The following MYOF variants were observed in gnomAD, a reference collection of about 807,000 sequenced individuals.
MYOF encodes the protein myoferlin.
Under a neutral mutation model 284.2 loss-of-function variants are expected in MYOF, and 244 were observed. The observed-to-expected ratio is 0.86, with a 90% confidence interval of 0.77 to 0.95. The LOEUF (loss-of-function observed/expected upper bound fraction) is 0.95, where lower values mean the gene tolerates loss of function less well. Ranked by LOEUF, MYOF falls within the 40% of genes least tolerant of loss-of-function variation. The pLI is 0.00. For synonymous variants in MYOF, 904 were observed against 919.7 expected (o/e 0.98, Z 0.31); for missense variants, 2,496 against 2,560.6 (o/e 0.97, Z 0.54).
In MYOF at chr10:93,392,918, T is replaced by C. The variant is rs757382570; in HGVS notation, c.1455A>G (p.Thr485=). Reference sequence around the variant, plus strand: ...AGAGCAAAATTACGAAGCATAAACCTGTATATGATGCAGCCCCAGTTCCCG... The same window carrying C: ...AGAGCAAAATTACGAAGCATAAACCCGTATATGATGCAGCCCCAGTTCCCG... ...SSSGTGAASY[T]VNTGETEVGF... The change falls in exon 17 of 54, where the codon ACA becomes ACG. Residue 485 remains threonine (T), a splice_region_variant and synonymous_variant. Transcript: ENST00000359263. 3 of 1,611,356 alleles carry C rather than the reference T, an allele frequency of 1.9e-6. No individual in the cohort carries two copies. Among genetic ancestry groups the C allele is most frequent in the Admixed American group, 3.3e-5 (2 of 59,998 alleles).
In MYOF at chr10:93,316,700, A is replaced by G. The variant is rs1262921174; in HGVS notation, c.5698+14T>C. Reference sequence around the variant, plus strand: ...ACAGTTTCTTAGAAACAATGATCCAAATGTAAGCCCTACCCAAGTAGTCAT... The same window carrying G: ...ACAGTTTCTTAGAAACAATGATCCAGATGTAAGCCCTACCCAAGTAGTCAT... On this transcript the variant is annotated intron_variant, in intron 50 of 53. Transcript: ENST00000359263. The G allele has an allele frequency of 1.9e-6, 3 of 1,591,682 alleles. No homozygotes were observed. Among genetic ancestry groups the G allele is most frequent in the South Asian group, 2.2e-5 (2 of 90,454 alleles).
chr10:93,355,820 A>T (rs2133906182), intron 30 of MYOF, 84 bp from the exon 31 acceptor site: 3 of 919,906 alleles, frequency 3.3e-6, no homozygotes, highest in South Asian at 1.6e-5. Flanking sequence ...AGGCAAGAAT[A>T]ACAAATGGAA....
At chr10:93,455,751 G>A (rs2134323224) in intron 2 of MYOF, among the ~76,000 whole-genome samples, 1 of 152,344 alleles carries the variant, frequency 6.6e-6, no homozygotes, top group Non-Finnish European at 1.5e-5. Flanking sequence ...GTGGGTGGGT[G>A]GAGGGGAGCC....
intron 3 of MYOF, among the ~76,000 whole-genome samples, chr10:93,443,413 GCTCT>G (rs2056330368): frequency 6.6e-6 from 1 of 151,616 alleles, no homozygotes; most frequent in Admixed American, 6.6e-5. Context: ...TCTCTGAAGT[GCTCT>G]CTCTGTCTCT....
At chr10:93,384,415 G>A (rs1044561029) in intron 19 of MYOF, among the ~76,000 whole-genome samples, 8 of 152,208 alleles carry the variant, frequency 5.3e-5, no homozygotes, top group Non-Finnish European at 1.0e-4. Flanking sequence ...CGAGGCTGGC[G>A]GCGGATTACC....
rs968165867 is a variant in MYOF at position 93,373,007 on chromosome 10, G to A, written c.2380C>T (p.His794Tyr). ...CCACTGGTGGAGTACAAGACCTGAT[G>A]TGCGGGAATTCGTGCATAGGCCAGT... ...KRLAYARIPA[H>Y]QVLYSTSGEN... is the part of the protein sequence containing the mutation. The change falls in exon 24 of 54, where the codon CAT (histidine) becomes TAT (tyrosine). Residue 794 changes from histidine to tyrosine, a missense_variant. Physicochemically the swap from His to Tyr is moderately conservative, Grantham distance 83. This residue lies in a region of MYOF where 2,436 missense variants were observed against 2,480.7 expected (regional missense o/e 0.98). Coordinates refer to ENST00000359263, the MANE Select transcript of MYOF (RefSeq NM_013451.4). 12 of 1,614,070 alleles carry A rather than the reference G, an allele frequency of 7.4e-6. No individual in the cohort carries two copies. The highest frequency in any genetic ancestry group is 1.3e-5 in the African/African-American group (1 of 74,924).
At chr10:93,395,320 G>T (rs1564680436) in intron 16 of MYOF, among the ~76,000 whole-genome samples, 1 of 152,186 alleles carries the variant, frequency 6.6e-6, no homozygotes, top group Non-Finnish European at 1.5e-5. Flanking sequence ...GCATGCGCCT[G>T]TAGTCCCAGC....
Position 93,329,455 on chromosome 10 carries a change from G to A in MYOF, c.4982+209C>T, listed in dbSNP as rs1362272266. Reference sequence around the variant, plus strand: ...TTCCCCAGCGCACAGCACTGCTCCAGCTGCCACCATTTTACACACACTGTG... The same window carrying A: ...TTCCCCAGCGCACAGCACTGCTCCAACTGCCACCATTTTACACACACTGTG... On this transcript the variant is annotated intron_variant, in intron 44 of 53. Transcript: ENST00000359263. Among the ~76,000 whole-genome samples the A allele has an allele frequency of 2.6e-5, 4 of 152,212 alleles. No individual in the cohort carries two copies. In the South Asian group the frequency reaches 8.3e-4, roughly 32 times the overall value.
At chr10:93,459,578 G>A (rs2056828200) in intron 1 of MYOF, among the ~76,000 whole-genome samples, 1 of 152,200 alleles carries the variant, frequency 6.6e-6, no homozygotes, top group South Asian at 2.1e-4. Flanking sequence ...GTGTTTGTGT[G>A]TGTTTGCCAC....
chr10:93,406,318 T>TA (rs1847584374), intron 7 of MYOF, among the ~76,000 whole-genome samples: 1 of 38,706 alleles, frequency 2.6e-5, no homozygotes, highest in African/African-American at 5.4e-5. Flanking sequence ...ATATATATAT[T>TA]TGTTTTTATC....
chr10:93,380,042 G>A (rs1039943044), intron 20 of MYOF, 55 bp from the exon 21 acceptor site: 2 of 1,580,142 alleles, frequency 1.3e-6, no homozygotes, highest in East Asian at 2.3e-5. Flanking sequence ...TAGACAGCAT[G>A]TTTATTAAAG....
intron 1 of MYOF, among the ~76,000 whole-genome samples, chr10:93,460,103 T>C (rs2056839126): frequency 6.6e-6 from 1 of 152,176 alleles, no homozygotes; most frequent in Non-Finnish European, 1.5e-5. Flanking sequence ...CACTGAAAGA[T>C]GGCACTGAAG....
chr10:93,308,257 A>G (rs11187380), intron 53 of MYOF, among the ~76,000 whole-genome samples: 2 of 149,446 alleles, frequency 1.3e-5, no homozygotes, highest in Non-Finnish European at 3.0e-5. Context: ...AAAATAAAAA[A>G]TAAAAAAAAT....
At chr10:93,307,141 G>A (rs1010045831) in intron 53 of MYOF, 140 bp from the exon 54 acceptor site, 8 of 732,412 alleles carry the variant, frequency 1.1e-5, no homozygotes, top group Non-Finnish European at 1.7e-5. Flanking sequence ...TGCATTGTAG[G>A]ATGTTCAGCA....
intron 53 of MYOF, among the ~76,000 whole-genome samples, chr10:93,308,768 G>A: frequency 6.6e-6 from 1 of 151,788 alleles, no homozygotes. Flanking sequence ...TTGGAGTGCA[G>A]TGGTGTGGTC....
At position 93,329,804 on chromosome 10, in the gene MYOF, T is replaced by C; in HGVS notation, c.4842A>G (p.Gln1614=). The change falls in exon 44 of 54, where the codon CAA becomes CAG. Residue 1614 remains glutamine, a synonymous_variant. Transcript: ENST00000359263. ...AGACAGAAATTTTCAGGTCTTTTTC[T>C]TGAGGTAAGTAGCAGCTCAGTTCGT... The part of the protein sequence containing the change: ...RMYELSCYLP[Q]EKDLKISVYD... 6.2e-7 allele frequency: 1 copy of C among 1,614,260 alleles called. No homozygotes were observed. Among genetic ancestry groups the C allele is most frequent in the Non-Finnish European group, 8.5e-7 (1 of 1,180,048 alleles).
intron 49 of MYOF, 58 bp downstream of exon 49, chr10:93,319,814 T>C: frequency 1.2e-6 from 2 of 1,606,054 alleles, no homozygotes; most frequent in Admixed American, 3.3e-5. Context: ...TTCTATGAGC[T>C]TCTGAGTTAA....
chr10:93,366,576 T>C (rs1455708418), intron 25 of MYOF, 21 bp from the exon 26 acceptor site: 3 of 1,577,970 alleles, frequency 1.9e-6, no homozygotes, highest in Non-Finnish European at 2.6e-6. Context: ...AGAGATAAAA[T>C]TGGAGAAACA....
At chr10:93,389,431 C>T (rs941541146) in intron 17 of MYOF, among the ~76,000 whole-genome samples, 3 of 152,144 alleles carry the variant, frequency 2.0e-5, no homozygotes, top group African/African-American at 7.2e-5. Flanking sequence ...TTGAAGTTGA[C>T]CTTCACATTT....
Sources: allele counts gnomAD v4.1 joint callset (sites outside exome capture counted in the v4.1 genomes callset), GRCh38; gene constraint gnomAD v4.1.1; regional missense constraint gnomAD v4.1.1; transcripts MANE v1.5; gene names NCBI Gene and HGNC (gene_info 2026-07-23, HGNC 2026-07-21).